PCBP3: variants seen among roughly 807,000 people sequenced by gnomAD.
PCBP3 encodes the protein poly(rC)-binding protein 3.
PCBP3 carries 25 observed loss-of-function variants against 52.7 expected under a neutral mutation model. That is an observed-to-expected ratio of 0.47 (90% CI 0.35 to 0.66). The LOEUF (loss-of-function observed/expected upper bound fraction) is 0.66, where lower values mean the gene tolerates loss of function less well. Among genes scored for constraint, PCBP3 ranks in the 30% least tolerant of loss-of-function variants. The pLI is 0.01. For missense variants in PCBP3, 391 were observed against 490.3 expected (o/e 0.80, Z 1.91); for synonymous variants, 162 against 183.0 (o/e 0.89, Z 0.93).
intron 17 of PCBP3, 30 bp downstream of exon 17, chr21:45,940,229 C>T (rs777302966): frequency 1.4e-5 from 22 of 1,584,730 alleles, no homozygotes; most frequent in Middle Eastern, 2.0e-4. Flanking sequence ...CTCTGAGAGA[C>T]GCCCGGAAAG....
chr21:45,740,579 GGTGCGTGTGTGT>G (rs2086352194), intron 3 of PCBP3, among the ~76,000 whole-genome samples: 1 of 151,686 alleles, frequency 6.6e-6, no homozygotes, highest in African/African-American at 2.4e-5. Flanking sequence ...AAAGCTGAGA[GGTGCGTGTGTGT>G]GTGCATGTGA....
At chr21:45,935,837 G>A (rs371490539) in intron 16 of PCBP3, among the ~76,000 whole-genome samples, 1 of 152,336 alleles carries the variant, frequency 6.6e-6, no homozygotes, top group African/African-American at 2.4e-5. Context: ...GTGGCCTTAC[G>A]AGCTCCCCTC....
At chr21:45,831,657 A>G (rs1001250677) in intron 4 of PCBP3, among the ~76,000 whole-genome samples, 1 of 152,150 alleles carries the variant, frequency 6.6e-6, no homozygotes, top group African/African-American at 2.4e-5. Context: ...AGGGGTCTTG[A>G]ATCTCACACA....
At chr21:45,745,241 C>G (rs542492828) in intron 3 of PCBP3, among the ~76,000 whole-genome samples, 1 of 152,260 alleles carries the variant, frequency 6.6e-6, no homozygotes, top group South Asian at 2.1e-4. Flanking sequence ...TGGCTCACAG[C>G]TGAGGGGACG....
At chr21:45,771,518 G>A (rs534557569) in intron 4 of PCBP3, among the ~76,000 whole-genome samples, 1 of 152,296 alleles carries the variant, frequency 6.6e-6, no homozygotes, top group East Asian at 1.9e-4. Flanking sequence ...ACGAAAAACA[G>A]TATCATTTTA....
rs926166384 is a variant in PCBP3 at position 45,829,434 on chromosome 21, G to C, written c.-125-20527G>C. ...GCTGGGCAGAACCCCTTCCCGCTGG[G>C]CCTCTCTTTGGCATTCCTCCTCTCT... On this transcript the variant is annotated intron_variant, in intron 4 of 17. Coordinates refer to ENST00000681687, the MANE Select transcript of PCBP3 (RefSeq NM_001384156.1). This position sits in a 1 kb window ranked among gnomAD's most constrained non-coding sequence, Gnocchi z 5.2. 2.3e-4 allele frequency: 35 copies of C among 152,580 alleles called. No individual in the cohort carries two copies. Among genetic ancestry groups the C allele is most frequent in the African/African-American group, 7.7e-4 (32 of 41,446 alleles). 9.5% of individuals were successfully genotyped at this position (152,580 alleles called of 1,614,324 possible).
At chr21:45,780,066 A>C (rs1242433042) in intron 4 of PCBP3, among the ~76,000 whole-genome samples, 2 of 152,258 alleles carry the variant, frequency 1.3e-5, no homozygotes, top group Non-Finnish European at 2.9e-5. Flanking sequence ...TTGTATATCC[A>C]TGTGAAAAAA....
In PCBP3 at chr21:45,812,638, C is replaced by T. The variant is rs145449204; in HGVS notation, c.-125-37323C>T. 2.4e-3 allele frequency among the ~76,000 whole-genome samples: 362 copies of T among 152,306 alleles called. 3 individuals are homozygous for T. Among genetic ancestry groups the T allele is most frequent in the Admixed American group, 3.6e-3 (55 of 15,296 alleles). ...AACTGCTGGCCTCAGGTGATCCGCCCGCTTCGGCCTCCCAAAGTGCTGGGA... is the reference window on the plus strand; with the variant it reads ...AACTGCTGGCCTCAGGTGATCCGCCTGCTTCGGCCTCCCAAAGTGCTGGGA... On this transcript the variant is annotated intron_variant, in intron 4 of 17. Transcript: ENST00000681687.
intron 5 of PCBP3, among the ~76,000 whole-genome samples, chr21:45,856,009 T>C (rs1483494812): frequency 1.3e-5 from 2 of 152,204 alleles, no homozygotes; most frequent in Admixed American, 6.5e-5. Flanking sequence ...ACATGACAGA[T>C]AAAGTAGGAA....
chr21:45,854,993 C>T (rs768361290), intron 5 of PCBP3, among the ~76,000 whole-genome samples: 1 of 152,250 alleles, frequency 6.6e-6, no homozygotes, highest in African/African-American at 2.4e-5. Flanking sequence ...CAGAGAGCTC[C>T]AGGAGGAGCC....
At chr21:45,698,564 A>G (rs1569128847) in intron 2 of PCBP3, among the ~76,000 whole-genome samples, 1 of 152,278 alleles carries the variant, frequency 6.6e-6, no homozygotes, top group Non-Finnish European at 1.5e-5. Flanking sequence ...AAGAAAGAGC[A>G]GTCTACGTGA....
chr21:45,786,416 G>A (rs1164676678), intron 4 of PCBP3, among the ~76,000 whole-genome samples: 2 of 151,792 alleles, frequency 1.3e-5, no homozygotes, highest in African/African-American at 2.4e-5. Flanking sequence ...TCAGCCTCCC[G>A]AGTAGCTGGG....
At chr21:45,645,979 A>T (rs1315649200) in intron 1 of PCBP3, among the ~76,000 whole-genome samples, 2 of 151,632 alleles carry the variant, frequency 1.3e-5, no homozygotes, top group African/African-American at 4.9e-5. Flanking sequence ...CTCAGCTCTC[A>T]TCCCTGGTGG....
chr21:45,928,548 C>T lies in PCBP3; in HGVS notation c.718-1369C>T, dbSNP rs908595966. ...GCTGGGAAGGCGCTGGGACCACAGT[C>T]GCCGCATTCCTGACTGTGCTCCCTG... On this transcript the variant is annotated intron_variant, in intron 13 of 17. Coordinates refer to ENST00000681687, the MANE Select transcript of PCBP3 (RefSeq NM_001384156.1). The surrounding 1 kb of genome is among the most constrained non-coding windows in gnomAD (Gnocchi z 4.1). Among the ~76,000 whole-genome samples, 2 of 152,224 alleles carry T rather than the reference C, an allele frequency of 1.3e-5. No homozygotes were observed. Among genetic ancestry groups the T allele is most frequent in the South Asian group, 2.1e-4 (1 of 4,832 alleles).
chr21:45,727,253 G>A (rs2085115903), intron 2 of PCBP3, among the ~76,000 whole-genome samples: 1 of 152,168 alleles, frequency 6.6e-6, no homozygotes, highest in Non-Finnish European at 1.5e-5. Context: ...AAAATACAAT[G>A]TCCAGTTGTT....
At chr21:45,655,059 T>G (rs924349793) in intron 1 of PCBP3, among the ~76,000 whole-genome samples, 12 of 152,188 alleles carry the variant, frequency 7.9e-5, no homozygotes, top group African/African-American at 2.4e-4. Context: ...TCATTCCTTT[T>G]TGTGGCTAAT....
At chr21:45,721,039 T>C (rs940786500) in intron 2 of PCBP3, among the ~76,000 whole-genome samples, 6 of 152,258 alleles carry the variant, frequency 3.9e-5, no homozygotes, top group Non-Finnish European at 8.8e-5. Context: ...CAGAACATTC[T>C]GTGTGTCAGG....
intron 2 of PCBP3, among the ~76,000 whole-genome samples, chr21:45,714,835 G>A (rs1283182862): frequency 1.3e-5 from 2 of 152,122 alleles, no homozygotes; most frequent in Non-Finnish European, 1.5e-5. Context: ...TTGGAGGCAC[G>A]TTTTCAGGTA....
intron 5 of PCBP3, among the ~76,000 whole-genome samples, chr21:45,876,818 C>A (rs955213043): frequency 6.6e-6 from 1 of 152,246 alleles, no homozygotes; most frequent in African/African-American, 2.4e-5. Context: ...CAGCTGAGGC[C>A]GTGAGTGCAG....
Sources: gnomAD v4.1 joint callset for allele counts (sites outside exome capture counted in the v4.1 genomes callset) on GRCh38, gnomAD v4.1.1 for gene constraint, Gnocchi (gnomAD v3.1) non-coding constraint, MANE v1.5 for transcripts, NCBI Gene and HGNC (gene_info 2026-07-23, HGNC 2026-07-21) for gene names.